The following RALYL variants were observed in gnomAD, a reference collection of about 807,000 sequenced individuals.
The protein encoded by RALYL is RALY RNA binding protein like.
A neutral mutation model predicts 35.1 loss-of-function variants in RALYL; 29 were observed. The ratio of observed to expected loss-of-function variants is 0.83; its 90% CI spans 0.61 to 1.13. RALYL has a LOEUF of 1.13. RALYL is among the 50% of genes most tolerant of loss of function. The probability of loss-of-function intolerance (pLI) is 0.00; values close to 1 mark genes in which losing one functional copy is unlikely to be tolerated. For missense variants in RALYL, 359 were observed against 360.4 expected (o/e 1.00, Z 0.03); for synonymous variants, 120 against 127.6 (o/e 0.94, Z 0.40).
At chr8:84,437,566 G>T (rs2047877472) in intron 1 of RALYL, among the ~76,000 whole-genome samples, 1 of 152,052 alleles carries the variant, frequency 6.6e-6, no homozygotes, top group Admixed American at 6.6e-5. Flanking sequence ...GGATGAGATG[G>T]TATCTCATTG....
chr8:84,735,239 T>A (rs1215338136), intron 2 of RALYL, among the ~76,000 whole-genome samples: 1 of 151,846 alleles, frequency 6.6e-6, no homozygotes, highest in Admixed American at 6.6e-5. Context: ...CTGTTCCAAG[T>A]TCTTCATGCT....
At chr8:84,721,037 C>T (rs555878503) in intron 2 of RALYL, among the ~76,000 whole-genome samples, 2 of 151,866 alleles carry the variant, frequency 1.3e-5, no homozygotes, top group South Asian at 4.2e-4. Flanking sequence ...CAAACTAGTA[C>T]AGCCACAATG....
chr8:84,717,807 A>G (rs1843189338), intron 2 of RALYL, among the ~76,000 whole-genome samples: 1 of 152,212 alleles, frequency 6.6e-6, no homozygotes, highest in Non-Finnish European at 1.5e-5. Context: ...TATGACTATC[A>G]TCACACAATT....
At chr8:84,438,932 C>A (rs905258199) in intron 1 of RALYL, among the ~76,000 whole-genome samples, 2 of 139,368 alleles carry the variant, frequency 1.4e-5, no homozygotes, top group Non-Finnish European at 3.1e-5. Context: ...ATTATGTTCC[C>A]TTGGTCTATG....
rs534403245 is a variant in RALYL at position 84,747,747 on chromosome 8, T to C, written c.257-26832T>C. 1.6e-4 allele frequency among the ~76,000 whole-genome samples: 25 copies of C among 152,132 alleles called. No individual in the cohort carries two copies. In the South Asian group the frequency reaches 4.3e-3, roughly 26 times the overall value. On this transcript the variant is annotated intron_variant, in intron 2 of 8. Transcript: ENST00000521268. ...AATTTATTATCTCTCTAATTATTTG[T>C]TAATTTTTTCAAGGTTTTACACATA...
intron 1 of RALYL, among the ~76,000 whole-genome samples, chr8:84,304,353 G>A (rs758594342): frequency 1.3e-5 from 2 of 151,874 alleles, no homozygotes; most frequent in East Asian, 1.9e-4. Context: ...TCCTGACCTC[G>A]TGATCTGCCC....
intron 2 of RALYL, among the ~76,000 whole-genome samples, chr8:84,682,556 G>T (rs550226798): frequency 6.6e-6 from 1 of 152,150 alleles, no homozygotes; most frequent in South Asian, 2.1e-4. Flanking sequence ...ACTTCTTCCT[G>T]GTTTAGTGTT....
chr8:84,246,944 T>C (rs1488293645), intron 1 of RALYL, among the ~76,000 whole-genome samples: 1 of 152,178 alleles, frequency 6.6e-6, no homozygotes, highest in Non-Finnish European at 1.5e-5. Context: ...ATACAGACTT[T>C]GGAGTGAGAT....
At position 84,230,635 on chromosome 8, in the gene RALYL, A is replaced by T. The variant is rs140137489; in HGVS notation, c.-24+46211A>T. On this transcript the variant is annotated intron_variant, in intron 1 of 8. Transcript: ENST00000521268. ...TGGAGCTTTAAGTTTTTCGACTTTCATACCAGTATAGTTACTACTATGGAC... is the reference window on the plus strand; with the variant it reads ...TGGAGCTTTAAGTTTTTCGACTTTCTTACCAGTATAGTTACTACTATGGAC... Among the ~76,000 whole-genome samples the T allele has an allele frequency of 3.3e-3, 510 of 152,332 alleles. 3 individuals carry two copies. Among genetic ancestry groups the T allele is most frequent in the Non-Finnish European group, 5.6e-3 (380 of 68,028 alleles).
chr8:84,646,083 T>G (rs1316928113), intron 2 of RALYL, among the ~76,000 whole-genome samples: 1 of 151,988 alleles, frequency 6.6e-6, no homozygotes, highest in Non-Finnish European at 1.5e-5. Flanking sequence ...ATGGTTTTGG[T>G]TTTCTTAGTG....
chr8:84,568,385 T>A (rs1339444051), intron 2 of RALYL, among the ~76,000 whole-genome samples: 1 of 151,976 alleles, frequency 6.6e-6, no homozygotes, highest in Non-Finnish European at 1.5e-5. Context: ...GAACTCATCA[T>A]TATTTATGGC....
intron 2 of RALYL, among the ~76,000 whole-genome samples, chr8:84,537,272 C>T (rs182998644): frequency 6.6e-6 from 1 of 151,536 alleles, no homozygotes; most frequent in Non-Finnish European, 1.5e-5. Flanking sequence ...CAGTTTCAGA[C>T]CTGCTTGGGC....
intron 2 of RALYL, among the ~76,000 whole-genome samples, chr8:84,631,647 G>T (rs1231040654): frequency 6.6e-6 from 1 of 151,754 alleles, no homozygotes; most frequent in East Asian, 1.9e-4. Context: ...GTAGACTGAG[G>T]TATAGAATTC....
intron 7 of RALYL, among the ~76,000 whole-genome samples, chr8:84,875,467 T>C (rs1000285110): frequency 5.3e-5 from 8 of 152,278 alleles, no homozygotes; most frequent in African/African-American, 1.9e-4. Flanking sequence ...GCTTGCATCT[T>C]TTTTTCATGA....
At chr8:84,551,273 T>C (rs2060703284) in intron 2 of RALYL, among the ~76,000 whole-genome samples, 1 of 152,146 alleles carries the variant, frequency 6.6e-6, no homozygotes, top group Admixed American at 6.5e-5. Context: ...ACATAACTTT[T>C]CACTGTTTCC....
chr8:84,311,090 A>AATATATAT (rs1563712525), intron 1 of RALYL, among the ~76,000 whole-genome samples: 2 of 99,770 alleles, frequency 2.0e-5, no homozygotes, highest in East Asian at 3.5e-4. Context: ...AAAAAAAAAA[A>AATATATAT]ATGTATATTA....
chr8:84,770,460 T>G (rs1815180354), intron 2 of RALYL, among the ~76,000 whole-genome samples: 1 of 128,614 alleles, frequency 7.8e-6, no homozygotes, highest in Non-Finnish European at 1.7e-5. Flanking sequence ...TGATGGGCCT[T>G]TGGGCTCGTT....
chr8:84,486,427 T>G (rs12114244), intron 1 of RALYL, among the ~76,000 whole-genome samples: 2 of 151,496 alleles, frequency 1.3e-5, no homozygotes, highest in Non-Finnish European at 2.9e-5. Context: ...ATAAATAGTA[T>G]CATTCTGTTT....
At chr8:84,541,567 T>C (rs1424642908) in intron 2 of RALYL, among the ~76,000 whole-genome samples, 1 of 152,050 alleles carries the variant, frequency 6.6e-6, no homozygotes, top group Admixed American at 6.6e-5. Flanking sequence ...GGTATCCTTC[T>C]TTATATGTCA....
Sources: gnomAD v4.1 joint callset for allele counts (sites outside exome capture counted in the v4.1 genomes callset) on GRCh38, gnomAD v4.1.1 for gene constraint, MANE v1.5 for transcripts, NCBI Gene and HGNC (gene_info 2026-07-23, HGNC 2026-07-21) for gene names.